Variants in ZDHHC15 observed in about 807,000 individuals in gnomAD.
ZDHHC15 encodes zDHHC palmitoyltransferase 15.
ZDHHC15 carries 19 observed loss-of-function variants against 31.7 expected under a neutral mutation model. That is an observed-to-expected ratio of 0.60 (90% CI 0.42 to 0.88). The LOEUF is 0.88. Ranked by LOEUF, ZDHHC15 falls within the 40% of genes least tolerant of loss-of-function variation. ZDHHC15 has a pLI of 0.00. For missense variants in ZDHHC15, 209 were observed against 251.2 expected (o/e 0.83, Z 1.14); for synonymous variants, 103 against 90.0 (o/e 1.14, Z -0.82).
At position 75,404,622 on chromosome X, in the gene ZDHHC15, A is replaced by C. The variant is rs190296383; in HGVS notation, c.967+12465T>G. ...CATACATGCAGCAAACAAACATATA[A>C]AAAAAGCTCAATATCACTGATCATT... is the stretch of plus-strand genomic sequence containing the variant. On this transcript the variant is annotated intron_variant, in intron 10 of 11. Coordinates refer to ENST00000373367, the MANE Select transcript of ZDHHC15 (RefSeq NM_144969.3). Among the ~76,000 whole-genome samples, 9 of 112,243 alleles carry C rather than the reference A, an allele frequency of 8.0e-5. No homozygotes were observed. In the East Asian group the frequency reaches 2.5e-3, roughly 31 times the overall value.
intron 1 of ZDHHC15, among the ~76,000 whole-genome samples, chrX:75,517,848 A>G (rs1457207073): frequency 1.8e-5 from 2 of 111,010 alleles, no homozygotes; most frequent in African/African-American, 6.6e-5. Context: ...TAAAATTATT[A>G]TAAGAAAACA....
chrX:75,397,743 C>A lies in ZDHHC15; in HGVS notation c.968-18545G>T, dbSNP rs188059847. On this transcript the variant is annotated intron_variant, in intron 10 of 11. Coordinates refer to ENST00000373367, the MANE Select transcript of ZDHHC15 (RefSeq NM_144969.3). Reference sequence around the variant, plus strand: ...GGGATTAATCTAGGAAACAACTTGACCCACAGAGAACAAAGAAAAGCAAGA... The same window carrying A: ...GGGATTAATCTAGGAAACAACTTGAACCACAGAGAACAAAGAAAAGCAAGA... Among the ~76,000 whole-genome samples, 3 of 111,274 alleles carry A rather than the reference C, an allele frequency of 2.7e-5. No homozygotes were observed. The East Asian group carries it at 8.5e-4, about 32-fold the overall frequency.
chrX:75,402,711 A>G (rs1403838809), intron 10 of ZDHHC15, among the ~76,000 whole-genome samples: 1 of 111,711 alleles, frequency 9.0e-6, no homozygotes, highest in South Asian at 3.8e-4. Context: ...TGAAAAGACC[A>G]AGAATGAGCT....
intron 4 of ZDHHC15, among the ~76,000 whole-genome samples, chrX:75,442,896 G>A: frequency 9.6e-6 from 1 of 103,804 alleles, no homozygotes; most frequent in Admixed American, 1.1e-4. Flanking sequence ...TGAGGCAGGA[G>A]AATGGCGTGA....
At chrX:75,459,097 G>A (rs757753334) in intron 3 of ZDHHC15, among the ~76,000 whole-genome samples, 1 of 107,877 alleles carries the variant, frequency 9.3e-6, no homozygotes, top group African/African-American at 3.4e-5. Flanking sequence ...GCAACCCACC[G>A]ATAAGGAGAT....
At chrX:75,481,803 A>C (rs975719675) in intron 2 of ZDHHC15, among the ~76,000 whole-genome samples, 5 of 111,877 alleles carry the variant, frequency 4.5e-5, no homozygotes, top group Admixed American at 1.9e-4. Flanking sequence ...AGTGATTCTC[A>C]AATTTCAGTC....
rs1321937462 is a variant in ZDHHC15, at chrX:75,508,707, C to A, written c.137-2860G>T. 6.3e-5 allele frequency among the ~76,000 whole-genome samples: 7 copies of A among 110,850 alleles called. No individual in the cohort carries two copies. The Admixed American group carries it at 6.8e-4, about 11-fold the overall frequency. ...CAAATGGTATTTCTAGTTCTAGATC[C>A]TTGAGGAATGGCCACACTGTCTTCC... On this transcript the variant is annotated intron_variant, in intron 1 of 11. Coordinates refer to ENST00000373367, the MANE Select transcript of ZDHHC15 (RefSeq NM_144969.3).
chrX:75,446,602 G>A (rs902248706), intron 4 of ZDHHC15, among the ~76,000 whole-genome samples: 1 of 111,876 alleles, frequency 8.9e-6, no homozygotes, highest in Non-Finnish European at 1.9e-5. Flanking sequence ...TCCATTTGGG[G>A]CTGCTCTAAC....
intron 3 of ZDHHC15, among the ~76,000 whole-genome samples, chrX:75,475,092 A>T (rs928873662): frequency 1.8e-5 from 2 of 112,046 alleles, no homozygotes; most frequent in African/African-American, 3.2e-5. Context: ...AATAAATAAA[A>T]AAAAGTTTTT....
intron 4 of ZDHHC15, among the ~76,000 whole-genome samples, chrX:75,449,462 A>G (rs747043443): frequency 3.1e-4 from 35 of 111,347 alleles, no homozygotes; most frequent in Non-Finnish European, 3.8e-4. Context: ...AATTATCAAC[A>G]TTGTGTCATT....
intron 10 of ZDHHC15, among the ~76,000 whole-genome samples, chrX:75,407,514 C>A (rs1262214428): frequency 9.1e-6 from 1 of 110,223 alleles, no homozygotes; most frequent in Non-Finnish European, 1.9e-5. Flanking sequence ...GGGGGGCAGC[C>A]CCCGCCCGGC....
chrX:75,417,315 G>A (rs917941352), intron 9 of ZDHHC15, 125 bp from the exon 10 acceptor site: 23 of 412,883 alleles, frequency 5.6e-5, no homozygotes, highest in African/African-American at 5.0e-4. Flanking sequence ...AAGCCATGGT[G>A]GAATGGGCTC....
At chrX:75,460,235 G>A (rs960986708) in intron 3 of ZDHHC15, among the ~76,000 whole-genome samples, 2 of 111,384 alleles carry the variant, frequency 1.8e-5, no homozygotes, top group African/African-American at 6.5e-5. Context: ...ACCTCCCTGT[G>A]GGGTCTTCAG....
At position 75,498,825 on chromosome X, in the gene ZDHHC15, A is replaced by G. The variant is rs541982943; in HGVS notation, c.163+6996T>C. On this transcript the variant is annotated intron_variant, in intron 2 of 11. Transcript: ENST00000373367. The stretch of plus-strand genomic sequence containing the variant: ...AAACCAAAAAAGAGCCCACATAGCC[A>G]AAGAAAGGCTATGCAAAAAGAACAA... Among the ~76,000 whole-genome samples, 9 of 112,118 alleles carry G rather than the reference A, an allele frequency of 8.0e-5. No homozygotes were observed. The South Asian group carries it at 3.0e-3, about 37-fold the overall frequency.
chrX:75,446,713 T>A (rs1284843321), intron 4 of ZDHHC15, among the ~76,000 whole-genome samples: 1 of 111,112 alleles, frequency 9.0e-6, no homozygotes, highest in Non-Finnish European at 1.9e-5. Context: ...TTAGTGCTGG[T>A]GAGGGCCTCT....
chrX:75,515,130 G>A (rs1338439768), intron 1 of ZDHHC15, among the ~76,000 whole-genome samples: 2 of 111,103 alleles, frequency 1.8e-5, no homozygotes, highest in East Asian at 2.8e-4. Context: ...ATTCATACCC[G>A]AATTCTACCA....
intron 4 of ZDHHC15, among the ~76,000 whole-genome samples, chrX:75,439,310 A>G (rs1256952151): frequency 1.8e-5 from 2 of 111,935 alleles, no homozygotes; most frequent in African/African-American, 6.5e-5. Flanking sequence ...TTTCAGAATA[A>G]CATAATCATT....
At position 75,470,911 on chromosome X, in the gene ZDHHC15, C is replaced by A. The variant is rs140844345; in HGVS notation, c.258+7980G>T. The stretch of plus-strand genomic sequence containing the variant: ...ATAAATCAAAAACAGTATCACATCC[C>A]TGGAGGGATTGTGATTAGTGCCACC... On this transcript the variant is annotated intron_variant, in intron 3 of 11. Transcript: ENST00000373367. Among the ~76,000 whole-genome samples the A allele has an allele frequency of 6.3e-5, 7 of 111,992 alleles. No homozygotes were observed. In the East Asian group the frequency reaches 2.0e-3, roughly 32 times the overall value.
chrX:75,479,003 T>A lies in ZDHHC15; in HGVS notation c.164-18A>T. The A allele has an allele frequency of 9.7e-7, 1 of 1,031,803 alleles. No individual in the cohort carries two copies. The highest frequency in any genetic ancestry group is 1.3e-6 in the Non-Finnish European group (1 of 751,807). The allele number at this position is 1,031,803 out of a possible 1,213,427, so 85.0% of individuals were successfully genotyped here. A position where few individuals can be genotyped will look rare whatever the true frequency, so the allele number is the denominator to read the frequency against. On this transcript the variant is annotated intron_variant, in intron 2 of 11. Coordinates refer to ENST00000373367, the MANE Select transcript of ZDHHC15 (RefSeq NM_144969.3). ...GTAAATAACTGAAATAAAAAAAAAA[T>A]CAGTGTTTATACTATCTTTTTATCC...
Sources: allele counts gnomAD v4.1 joint callset (sites outside exome capture counted in the v4.1 genomes callset), GRCh38; gene constraint gnomAD v4.1.1; transcripts MANE v1.5; gene names NCBI Gene and HGNC (gene_info 2026-07-23, HGNC 2026-07-21).